Variants in MARCHF5 observed in about 807,000 individuals in gnomAD.
The protein encoded by MARCHF5 is E3 ubiquitin-protein ligase MARCHF5.
In MARCHF5, 5 loss-of-function variants were observed where a neutral mutation model predicts 36.5. The observed-to-expected ratio is 0.14, with a 90% confidence interval of 0.07 to 0.29. The LOEUF (loss-of-function observed/expected upper bound fraction) is 0.29. Ranked by LOEUF, MARCHF5 falls within the 10% of genes least tolerant of loss-of-function variation. The pLI is 1.00. For synonymous variants in MARCHF5, 103 were observed against 109.9 expected, an observed-to-expected ratio of 0.94 and a Z score of 0.39; for missense variants, 179 against 336.3, an observed-to-expected ratio of 0.53 and a Z score of 3.66.
In MARCHF5 at chr10:92,314,752, C is replaced by A. The variant is rs1003659209; in HGVS notation, c.238+3415C>A. Among the ~76,000 whole-genome samples the A allele has an allele frequency of 3.6e-4, 45 of 126,374 alleles. 5 individuals carry two copies. Among genetic ancestry groups the A allele is most frequent in the East Asian group, 1.9e-3 (7 of 3,698 alleles). 82.9% of individuals were successfully genotyped at this position (126,374 alleles called of 152,430 possible). On this transcript the variant is annotated intron_variant, in intron 2 of 5. Transcript: ENST00000358935. ...TTGCTGCTGCTGCTTCCCCCCGCCCCCCCCCGCCAATAGAGGTTGGGTCTT... is the reference window on the plus strand; with the variant it reads ...TTGCTGCTGCTGCTTCCCCCCGCCCACCCCCGCCAATAGAGGTTGGGTCTT...
At chr10:92,297,411 C>G (rs1013053482) in intron 1 of MARCHF5, among the ~76,000 whole-genome samples, 3 of 151,790 alleles carry the variant, frequency 2.0e-5, no homozygotes, top group Admixed American at 2.0e-4. Flanking sequence ...CTCAAGTGAT[C>G]CGCTCGCCTC....
intron 2 of MARCHF5, among the ~76,000 whole-genome samples, chr10:92,319,994 CAG>C (rs201574600): frequency 0.015 from 1,949 of 129,776 alleles, 44 homozygotes; most frequent in African/African-American, 0.053. Flanking sequence ...TTTTTTGAGA[CAG>C]AGTCTCACTC....
chr10:92,331,886 T>TAC (rs1002389823), intron 2 of MARCHF5, among the ~76,000 whole-genome samples: 3 of 37,628 alleles, frequency 8.0e-5, no homozygotes, highest in Non-Finnish European at 1.4e-4. Flanking sequence ...TAATCATATA[T>TAC]ATGTATATAT....
chr10:92,319,584 G>A (rs1293193388), intron 2 of MARCHF5, among the ~76,000 whole-genome samples: 3 of 151,734 alleles, frequency 2.0e-5, no homozygotes, highest in African/African-American at 4.8e-5. Flanking sequence ...GTGAGCCACC[G>A]CGCCCGGCCT....
intron 1 of MARCHF5, among the ~76,000 whole-genome samples, chr10:92,301,743 C>T (rs767850203): frequency 5.9e-5 from 9 of 152,154 alleles, no homozygotes; most frequent in Non-Finnish European, 1.2e-4. Flanking sequence ...GTACACTTTA[C>T]GTTCTCTCTA....
chr10:92,324,625 A>G (rs1401957003), intron 2 of MARCHF5, among the ~76,000 whole-genome samples: 1 of 152,138 alleles, frequency 6.6e-6, no homozygotes, highest in Admixed American at 6.5e-5. Flanking sequence ...TCATTTTCTA[A>G]TGTCATTTAC....
At position 92,291,240 on chromosome 10, in the gene MARCHF5, G is replaced by A. The variant is rs1387428771; in HGVS notation, c.-255G>A. 1.9e-6 allele frequency: 1 copy of A among 536,518 alleles called. No homozygotes were observed. The highest frequency in any genetic ancestry group is 3.5e-5 in the East Asian group (1 of 28,724). The allele number at this position is 536,518 out of a possible 1,614,324, so 33.2% of individuals were successfully genotyped here. Reference sequence around the variant, plus strand: ...CCATGGACCGGAACCTCGGGCCGACGGACGGGAACCCGGGCCGCGATCGCC... The same window carrying A: ...CCATGGACCGGAACCTCGGGCCGACAGACGGGAACCCGGGCCGCGATCGCC... On this transcript the variant is annotated 5_prime_UTR_variant, in exon 1 of 6. Coordinates refer to ENST00000358935, the MANE Select transcript of MARCHF5 (RefSeq NM_017824.5).
intron 3 of MARCHF5, among the ~76,000 whole-genome samples, chr10:92,344,011 TATATAG>T (rs1318020715): frequency 2.0e-5 from 3 of 152,204 alleles, no homozygotes; most frequent in African/African-American, 7.2e-5. Flanking sequence ...ACAAATACAT[TATATAG>T]ATATATATAT....
intron 2 of MARCHF5, among the ~76,000 whole-genome samples, chr10:92,324,340 T>TTTTC (rs375455989): frequency 0.01 from 1,586 of 152,120 alleles, 30 homozygotes; most frequent in African/African-American, 0.036. Context: ...ATCTTTCTCC[T>TTTTC]TTTCTTTCTT....
At chr10:92,318,994 G>T (rs997407597) in intron 2 of MARCHF5, among the ~76,000 whole-genome samples, 1 of 151,712 alleles carries the variant, frequency 6.6e-6, no homozygotes, top group South Asian at 2.1e-4. Flanking sequence ...GGCGTGAGCC[G>T]CTGTGCCTGA....
Position 92,351,901 on chromosome 10 carries a change from C to CGTGTGTGGGTGTGT in MARCHF5, c.*701_*702insGGTGTGTGTGTGTG, listed in dbSNP as rs1843718626. ...ATGAAGTAATTTTGACTCATGCAGT[C>CGTGTGTGGGTGTGT]GTGTGTGTGTGTGTGTGTGTGTGTG... On this transcript the variant is annotated 3_prime_UTR_variant, in exon 6 of 6. Transcript: ENST00000358935. 7.1e-6 allele frequency: 1 copy of CGTGTGTGGGTGTGT among 141,232 alleles called. No individual in the cohort carries two copies. Among genetic ancestry groups the CGTGTGTGGGTGTGT allele is most frequent in the Non-Finnish European group, 1.6e-5 (1 of 64,400 alleles). The allele number at this position is 141,232 out of a possible 1,614,324, so 8.7% of individuals were successfully genotyped here.
intron 3 of MARCHF5, among the ~76,000 whole-genome samples, chr10:92,348,377 T>C (rs1485869084): frequency 6.6e-6 from 1 of 151,486 alleles, no homozygotes; most frequent in Non-Finnish European, 1.5e-5. Flanking sequence ...TAATCCCAGC[T>C]ACTCGGGAGG....
chr10:92,320,746 A>G (rs1590656464), intron 2 of MARCHF5, among the ~76,000 whole-genome samples: 1 of 73,618 alleles, frequency 1.4e-5, no homozygotes, highest in Admixed American at 1.3e-4. Context: ...GTTAAAGTTA[A>G]AAGTGTATAG....
At chr10:92,304,766 G>T (rs1208831936) in intron 1 of MARCHF5, among the ~76,000 whole-genome samples, 2 of 152,086 alleles carry the variant, frequency 1.3e-5, no homozygotes, top group Non-Finnish European at 2.9e-5. Flanking sequence ...AAACGTGATG[G>T]TTTTTCTCCC....
chr10:92,343,048 G>T (rs1426077531), intron 3 of MARCHF5, among the ~76,000 whole-genome samples: 1 of 152,200 alleles, frequency 6.6e-6, no homozygotes, highest in African/African-American at 2.4e-5. Flanking sequence ...CATGAGTGTA[G>T]TGAATAAAGT....
At chr10:92,320,262 G>A (rs1843275078) in intron 2 of MARCHF5, among the ~76,000 whole-genome samples, 1 of 151,598 alleles carries the variant, frequency 6.6e-6, no homozygotes, top group Non-Finnish European at 1.5e-5. Context: ...GTGCTTTGTT[G>A]CCCAGGCTGA....
chr10:92,349,946 T>G, intron 5 of MARCHF5, 109 bp downstream of exon 5: 1 of 830,444 alleles, frequency 1.2e-6, no homozygotes, highest in Non-Finnish European at 1.9e-6. Flanking sequence ...CTCCTATGCA[T>G]TAAGCCTCTA....
intron 2 of MARCHF5, among the ~76,000 whole-genome samples, chr10:92,330,953 G>A (rs1013727765): frequency 2.6e-5 from 4 of 152,150 alleles, no homozygotes; most frequent in African/African-American, 4.8e-5. Context: ...CAGGGAAGAA[G>A]AAAATTCAGT....
chr10:92,325,665 CTTTAT>C (rs778131240), intron 2 of MARCHF5, among the ~76,000 whole-genome samples: 19 of 152,092 alleles, frequency 1.2e-4, no homozygotes, highest in Non-Finnish European at 2.4e-4. Context: ...TTTTTGTCAT[CTTTAT>C]TTTATTATTT....
Sources: gnomAD v4.1 joint callset for allele counts (sites outside exome capture counted in the v4.1 genomes callset) on GRCh38, gnomAD v4.1.1 for gene constraint, MANE v1.5 for transcripts, NCBI Gene and HGNC (gene_info 2026-07-23, HGNC 2026-07-21) for gene names.